OR6B3: variants seen among roughly 807,000 people sequenced by gnomAD.
The protein encoded by OR6B3 is olfactory receptor family 6 subfamily B member 3, also known as olfactory receptor 6B3.
For synonymous variants in OR6B3, 148 were observed against 187.8 expected, an observed-to-expected ratio of 0.79 and a Z score of 1.73; for missense variants, 315 against 427.4, an observed-to-expected ratio of 0.74 and a Z score of 2.32.
downstream of OR6B3, among the ~76,000 whole-genome samples, chr2:240,044,672 G>T (rs731664): frequency 0.044 from 6,736 of 152,352 alleles, 251 homozygotes; most frequent in South Asian, 0.12. Flanking sequence ...AAGACAATCA[G>T]AGAACATTCG....
chr2:240,046,403 C>A (rs1428544440), intron 1 of OR6B3, among the ~76,000 whole-genome samples: 1 of 152,184 alleles, frequency 6.6e-6, no homozygotes, highest in Non-Finnish European at 1.5e-5. Flanking sequence ...TCCAAGGGAC[C>A]CAATAACCAT....
upstream of OR6B3, among the ~76,000 whole-genome samples, chr2:240,050,459 A>T (rs373824417): frequency 6.6e-6 from 1 of 152,208 alleles, no homozygotes; most frequent in Non-Finnish European, 1.5e-5. Flanking sequence ...TCATGCCTGT[A>T]ATCCCAGCCC....
At chr2:240,045,071 G>T (rs1445197989), downstream of OR6B3, 1 of 1,559,058 alleles carries the variant, frequency 6.4e-7, no homozygotes, top group East Asian at 2.2e-5. Flanking sequence ...CAGTCAAATG[G>T]CCTCCTCAGA....
chr2:240,045,451 C>A (rs776042532), exon 2 of OR6B3: 11 of 1,614,168 alleles, frequency 6.8e-6, no homozygotes, highest in Non-Finnish European at 9.3e-6. Flanking sequence ...AGTGGAAACA[C>A]CAGGATGATG....
At chr2:240,048,175 T>C (rs1698216699), upstream of OR6B3, among the ~76,000 whole-genome samples, 1 of 152,070 alleles carries the variant, frequency 6.6e-6, no homozygotes, top group Non-Finnish European at 1.5e-5. Context: ...TGCATAGGAG[T>C]TACATTAATG....
chr2:240,050,721 C>CAAAAAAAAAAAAAAAAAGAAAA (rs61309204), upstream of OR6B3, among the ~76,000 whole-genome samples: 1 of 57,342 alleles, frequency 1.7e-5, no homozygotes, highest in Admixed American at 2.0e-4. Context: ...CTCAAAGAGA[C>CAAAAAAAAAAAAAAAAAGAAAA]AAAAAAAAAA....
chr2:240,048,721 C>A (rs752741050), upstream of OR6B3, among the ~76,000 whole-genome samples: 4 of 152,208 alleles, frequency 2.6e-5, no homozygotes. Flanking sequence ...AGCTGGCAGA[C>A]TGGGTGATGG....
upstream of OR6B3, among the ~76,000 whole-genome samples, chr2:240,048,997 A>T (rs868075987): frequency 6.6e-6 from 1 of 152,162 alleles, no homozygotes; most frequent in South Asian, 2.1e-4. Flanking sequence ...CCCAGGGGAC[A>T]TGGATGGTGG....
chr2:240,050,809 T>C (rs926318039), upstream of OR6B3, among the ~76,000 whole-genome samples: 2 of 150,080 alleles, frequency 1.3e-5, no homozygotes, highest in Admixed American at 1.3e-4. Context: ...GCTTGACAGA[T>C]CTCAAAGGTA....
chr2:240,045,912 G>A, exon 2 of OR6B3: 1 of 1,562,902 alleles, frequency 6.4e-7, no homozygotes, highest in South Asian at 1.1e-5. Context: ...CCTGTGGAGG[G>A]AGGTGCTGCT....
chr2:240,045,150 G>A lies in OR6B3; in HGVS notation c.923C>T (p.Thr308Met), dbSNP rs777385673. The change falls in exon 2 of 2, where the codon ACG (threonine) becomes ATG (methionine). Residue 308 changes from threonine (T) to methionine (M), a missense_variant. By Grantham distance (81) the Thr-to-Met change is moderately conservative (BLOSUM62 -1). Coordinates refer to ENST00000641019, the Ensembl canonical transcript of OR6B3. ...AAGCCTCCCCTCTACGGCGCAGCTC[G>A]TCAAGCCGAAGGCTTTTTTCAAGGC... 2.1e-5 allele frequency: 34 copies of A among 1,614,004 alleles called. No individual in the cohort carries two copies. Among genetic ancestry groups the A allele is most frequent in the African/African-American group, 1.1e-4 (8 of 74,928 alleles).
At chr2:240,045,603 A>G (rs1157030766) in exon 2 of OR6B3, 4 of 1,484,580 alleles carry the variant, frequency 2.7e-6, no homozygotes, top group Non-Finnish European at 3.7e-6. Flanking sequence ...GACCTTGATC[A>G]TGGAGATGGT....
At chr2:240,050,588 C>G (rs1398223899), upstream of OR6B3, among the ~76,000 whole-genome samples, 1 of 152,050 alleles carries the variant, frequency 6.6e-6, no homozygotes, top group Non-Finnish European at 1.5e-5. Context: ...ATGGCAGGCA[C>G]CTGTAATCCC....
At chr2:240,045,862 T>A (rs767154572) in exon 2 of OR6B3, 2 of 1,612,724 alleles carry the variant, frequency 1.2e-6, no homozygotes, top group Non-Finnish European at 1.7e-6. Flanking sequence ...ACGTACCAGA[T>A]CTCTAGGAAA....
At chr2:240,046,768 G>A (rs1276195147) in intron 1 of OR6B3, among the ~76,000 whole-genome samples, 184 bp downstream of exon 2, 1 of 152,180 alleles carries the variant, frequency 6.6e-6, no homozygotes, top group Admixed American at 6.5e-5. Flanking sequence ...GCAGAGAGGA[G>A]GAAGTCTAGA....
chr2:240,051,502 T>C (rs972933631), upstream of OR6B3, among the ~76,000 whole-genome samples: 2 of 152,238 alleles, frequency 1.3e-5, no homozygotes, highest in African/African-American at 4.8e-5. Context: ...TTTCCTACAT[T>C]AGGTAAACCC....
chr2:240,051,567 C>A (rs910789878), upstream of OR6B3, among the ~76,000 whole-genome samples: 1 of 152,132 alleles, frequency 6.6e-6, no homozygotes, highest in Admixed American at 6.5e-5. Flanking sequence ...ATTCCTGATA[C>A]GAAAGCCTGA....
upstream of OR6B3, among the ~76,000 whole-genome samples, chr2:240,048,504 G>A (rs1002706179): frequency 1.3e-5 from 2 of 152,054 alleles, no homozygotes; most frequent in African/African-American, 2.4e-5. Context: ...TCTCTATTTG[G>A]GAGGTGCTTG....
At chr2:240,046,911 T>G (rs1389941704) in intron 1 of OR6B3, 41 bp downstream of exon 2, 1 of 152,200 alleles carries the variant, frequency 6.6e-6, no homozygotes, top group Non-Finnish European at 1.5e-5. Context: ...TAAGTTGAGA[T>G]GGAAAGTCTG....
Sources: gnomAD v4.1 joint callset for allele counts (sites outside exome capture counted in the v4.1 genomes callset) on GRCh38, gnomAD v4.1.1 for gene constraint, MANE v1.5 for transcripts, NCBI Gene and HGNC (gene_info 2026-07-23, HGNC 2026-07-21) for gene names.